The following DNM2 variants were observed in gnomAD, a reference collection of about 807,000 sequenced individuals.
DNM2 encodes dynamin-2.
A neutral mutation model predicts 99.0 loss-of-function variants in DNM2; 15 were observed. The ratio of observed to expected loss-of-function variants is 0.15; its 90% CI spans 0.10 to 0.23. The LOEUF is 0.23. DNM2 is among the 10% of genes least tolerant of loss of function. The pLI is 1.00. For synonymous variants in DNM2, 525 were observed against 481.2 expected (o/e 1.09, Z -1.19); for missense variants, 742 against 1,189.4 (o/e 0.62, Z 5.53).
chr19:10,772,148 C>T lies in DNM2; in HGVS notation c.236-331C>T, dbSNP rs1232634267. 3.3e-5 allele frequency among the ~76,000 whole-genome samples: 5 copies of T among 151,856 alleles called. No individual in the cohort carries two copies. The South Asian group carries it at 8.3e-4, about 25-fold the overall frequency. ...AGGCTAGAGTGCAGTGGCGCAATCTCGGCTCACTACAACCTCCGCCTCCCG... is the reference window on the plus strand; with the variant it reads ...AGGCTAGAGTGCAGTGGCGCAATCTTGGCTCACTACAACCTCCGCCTCCCG... On this transcript the variant is annotated intron_variant, in intron 2 of 20. Coordinates refer to ENST00000389253, the MANE Select transcript of DNM2 (RefSeq NM_001005361.3). This position sits in a 1 kb window ranked among gnomAD's most constrained non-coding sequence, Gnocchi z 4.9.
chr19:10,724,071 G>C (rs1176179774), intron 1 of DNM2, among the ~76,000 whole-genome samples: 3 of 123,502 alleles, frequency 2.4e-5, no homozygotes, highest in Admixed American at 2.4e-4. Context: ...GCGGAAGAAC[G>C]AGACCTCGTC....
In DNM2 at chr19:10,765,385, G is replaced by A. The variant is rs2145880811; in HGVS notation, c.235+5574G>A. On this transcript the variant is annotated intron_variant, in intron 2 of 20. Transcript: ENST00000389253. This position sits in a 1 kb window ranked among gnomAD's most constrained non-coding sequence, Gnocchi z 4.4. ...CACGGCCGAGTGAACGAGCTCAAAG[G>A]GCTGGTGCTGTGCCCCTTCTTGCCT... Among the ~76,000 whole-genome samples the A allele has an allele frequency of 6.6e-6, 1 of 152,376 alleles. No individual in the cohort carries two copies. Among genetic ancestry groups the A allele is most frequent in the South Asian group, 2.1e-4 (1 of 4,834 alleles).
chr19:10,821,553 C>T (rs376749914), intron 16 of DNM2, among the ~76,000 whole-genome samples: 2 of 150,814 alleles, frequency 1.3e-5, no homozygotes, highest in East Asian at 2.0e-4. Flanking sequence ...TTTTTTTAAA[C>T]GGAGTTCCGC....
At position 10,775,784 on chromosome 19, in the gene DNM2, T is replaced by A; in HGVS notation, c.467T>A (p.Ile156Asn). ...GDQPPDIEYQ[I>N]KDMILQFISR... Reference sequence around the variant, plus strand: ...CAGCCTCCAGACATCGAGTACCAGATCAAGGACATGATCCTGCAGTTCATC... The same window carrying A: ...CAGCCTCCAGACATCGAGTACCAGAACAAGGACATGATCCTGCAGTTCATC... Residue 156 changes from isoleucine (I) to asparagine (N), a missense_variant, in exon 4 of 21, where the codon ATC becomes AAC. Physicochemically the swap from Ile to Asn is moderately radical, Grantham distance 149 (BLOSUM62 -3). Transcript: ENST00000389253. This position sits in a 1 kb window ranked among gnomAD's most constrained non-coding sequence, Gnocchi z 4.3. 6.2e-7 allele frequency: 1 copy of A among 1,614,036 alleles called. No homozygotes were observed. The highest frequency in any genetic ancestry group is 8.5e-7 in the Non-Finnish European group (1 of 1,180,012).
intron 1 of DNM2, among the ~76,000 whole-genome samples, chr19:10,749,633 C>A (rs1300395699): frequency 2.0e-5 from 3 of 152,220 alleles, no homozygotes; most frequent in African/African-American, 7.2e-5. Context: ...GGGCGGAGCT[C>A]GACTTTGAAC....
intron 11 of DNM2, among the ~76,000 whole-genome samples, chr19:10,801,007 G>A (rs1437735808): frequency 6.6e-6 from 1 of 152,222 alleles, no homozygotes; most frequent in African/African-American, 2.4e-5. Flanking sequence ...AACACGCCAG[G>A]CGCTAAAGAC....
chr19:10,814,405 G>C (rs577547064), intron 15 of DNM2, among the ~76,000 whole-genome samples: 41 of 150,962 alleles, frequency 2.7e-4, no homozygotes, highest in Non-Finnish European at 5.3e-4. Flanking sequence ...CAGAGGTTGC[G>C]GTGAGCCAAA....
Position 10,772,759 on chromosome 19 carries a change from C to A in DNM2, c.385+131C>A. On this transcript the variant is annotated intron_variant, in intron 3 of 20. Transcript: ENST00000389253. The surrounding 1 kb of genome is among the most constrained non-coding windows in gnomAD (Gnocchi z 4.9). The stretch of plus-strand genomic sequence containing the variant: ...CACAAACAGTTGATATTCACACACA[C>A]ATAGCCCCTTGATCTGTATCTTCCC... 5.9e-6 allele frequency: 8 copies of A among 1,362,734 alleles called. No individual in the cohort carries two copies. The highest frequency in any genetic ancestry group is 7.1e-6 in the Non-Finnish European group (7 of 985,048). 84.4% of individuals were successfully genotyped at this position (1,362,734 alleles called of 1,614,324 possible). A position where few individuals can be genotyped will look rare whatever the true frequency, so the allele number is the denominator to read the frequency against.
At chr19:10,734,982 G>A (rs1335740073) in intron 1 of DNM2, among the ~76,000 whole-genome samples, 2 of 151,602 alleles carry the variant, frequency 1.3e-5, no homozygotes, top group Non-Finnish European at 2.9e-5. Context: ...TGTGAGTTTT[G>A]GGGAAGAAGG....
rs2073343857 is a variant in DNM2, at chr19:10,831,350, C to G, written c.*303C>G. ...ACACCATCCTGAATGAGGGGTCCAG[C>G]CTGGGGGGGACTCTACCAAGGTCTT... On this transcript the variant is annotated 3_prime_UTR_variant, in exon 21 of 21. Coordinates refer to ENST00000389253, the MANE Select transcript of DNM2 (RefSeq NM_001005361.3). This position sits in a 1 kb window ranked among gnomAD's most constrained non-coding sequence, Gnocchi z 4.3. 6 of 1,166,506 alleles carry G rather than the reference C, an allele frequency of 5.1e-6. No individual in the cohort carries two copies. Among genetic ancestry groups the G allele is most frequent in the South Asian group, 3.2e-5 (1 of 31,124 alleles). 72.3% of individuals were successfully genotyped at this position (1,166,506 alleles called of 1,614,324 possible).
chr19:10,807,612 G>A (rs561032603), intron 13 of DNM2, among the ~76,000 whole-genome samples: 17 of 142,556 alleles, frequency 1.2e-4, no homozygotes, highest in South Asian at 6.7e-4. Context: ...GCAGTGGCGC[G>A]GTCTCAGCTC....
At chr19:10,737,479 G>GCAAA (rs1388823477) in intron 1 of DNM2, among the ~76,000 whole-genome samples, 2 of 151,912 alleles carry the variant, frequency 1.3e-5, no homozygotes, top group African/African-American at 4.8e-5. Flanking sequence ...TTCCACCTAT[G>GCAAA]CGTTTGGTTT....
At chr19:10,783,535 G>A (rs2145962463) in intron 6 of DNM2, among the ~76,000 whole-genome samples, 1 of 152,142 alleles carries the variant, frequency 6.6e-6, no homozygotes, top group East Asian at 1.9e-4. Flanking sequence ...GATGTTCAGT[G>A]ACTTGGTGCT....
At position 10,764,687 on chromosome 19, in the gene DNM2, C is replaced by T. The variant is rs938281299; in HGVS notation, c.235+4876C>T. The stretch of plus-strand genomic sequence containing the variant: ...CTTCCCATTGGCCTCAGAATCAAAT[C>T]GAGCCTCCTTCTCAAGGCCTTGTGG... On this transcript the variant is annotated intron_variant, in intron 2 of 20. Transcript: ENST00000389253. This position sits in a 1 kb window ranked among gnomAD's most constrained non-coding sequence, Gnocchi z 4.1. Among the ~76,000 whole-genome samples, 3 of 152,170 alleles carry T rather than the reference C, an allele frequency of 2.0e-5. No individual in the cohort carries two copies. The highest frequency in any genetic ancestry group is 2.1e-4 in the South Asian group (1 of 4,830).
chr19:10,791,537 G>A (rs2071752729), intron 7 of DNM2, among the ~76,000 whole-genome samples: 1 of 151,140 alleles, frequency 6.6e-6, no homozygotes, highest in Non-Finnish European at 1.5e-5. Context: ...CGAATTCCGC[G>A]GGACACCGAC....
At position 10,816,747 on chromosome 19, in the gene DNM2, C is replaced by T. The variant is rs537880497; in HGVS notation, c.1672-3233C>T. Among the ~76,000 whole-genome samples the T allele has an allele frequency of 3.9e-5, 6 of 152,330 alleles. No homozygotes were observed. The highest frequency in any genetic ancestry group is 4.1e-4 in the South Asian group (2 of 4,828). On this transcript the variant is annotated intron_variant, in intron 15 of 20. Coordinates refer to ENST00000389253, the MANE Select transcript of DNM2 (RefSeq NM_001005361.3). This position sits in a 1 kb window ranked among gnomAD's most constrained non-coding sequence, Gnocchi z 4.6. The stretch of plus-strand genomic sequence containing the variant: ...GGTGGGAATGCCAGGCCTGGGGCAG[C>T]GAGCCTTGGAGGAGCCTCTGGGCCT...
rs756264312 is a variant in DNM2, at chr19:10,798,500, C to G, written c.1350C>G (p.Pro450=). 2.5e-6 allele frequency: 4 copies of G among 1,614,182 alleles called. No individual in the cohort carries two copies. In the South Asian group the frequency reaches 3.3e-5, roughly 13 times the overall value. ...TGTTCCCCCAGCTCAGTTCCTACCC[C>G]CGGTTGCGAGAGGAGACAGAGCGAA... is the stretch of plus-strand genomic sequence containing the variant. ...KKCAEKLSSY[P]RLREETERIV... The change falls in exon 11 of 21, where the codon CCC becomes CCG. Residue 450 remains proline, a synonymous_variant. Transcript: ENST00000389253.
intron 2 of DNM2, among the ~76,000 whole-genome samples, chr19:10,766,165 T>A (rs7246673): frequency 3.9e-5 from 6 of 152,068 alleles, no homozygotes; most frequent in African/African-American, 1.4e-4. Context: ...CCCCAAACCC[T>A]GCTGTCTTTT....
At chr19:10,726,952 G>A (rs972493271) in intron 1 of DNM2, among the ~76,000 whole-genome samples, 12 of 152,190 alleles carry the variant, frequency 7.9e-5, no homozygotes, top group Non-Finnish European at 1.3e-4. Context: ...TACTCAGAGG[G>A]ATCTAGAAGA....
Sources: allele counts gnomAD v4.1 joint callset (sites outside exome capture counted in the v4.1 genomes callset), GRCh38; gene constraint gnomAD v4.1.1; non-coding constraint Gnocchi (gnomAD v3.1); transcripts MANE v1.5; gene names NCBI Gene and HGNC (gene_info 2026-07-23, HGNC 2026-07-21).